PLOD1: variants seen among roughly 807,000 people sequenced by gnomAD.
The protein encoded by PLOD1 is lysine hydroxylase.
A neutral mutation model predicts 94.7 loss-of-function variants in PLOD1; 70 were observed. The observed-to-expected ratio is 0.74, with a 90% CI of 0.61 to 0.90. The LOEUF is 0.90. Ranked by LOEUF, PLOD1 falls within the 40% of genes least tolerant of loss-of-function variation. The probability of loss-of-function intolerance (pLI) is 0.00; values close to 1 mark genes in which losing one functional copy is unlikely to be tolerated. For missense variants in PLOD1, 905 were observed against 972.7 expected, an observed-to-expected ratio of 0.93 and a Z score of 0.93; for synonymous variants, 417 against 400.2, an observed-to-expected ratio of 1.04 and a Z score of -0.50.
Position 11,972,728 on chromosome 1 carries a change from C to T in PLOD1, c.1903-144C>T, listed in dbSNP as rs754407167. The T allele has an allele frequency of 7.3e-6, 6 of 817,412 alleles. No homozygotes were observed. The highest frequency in any genetic ancestry group is 1.4e-5 in the South Asian group (1 of 71,030). 50.6% of individuals were successfully genotyped at this position (817,412 alleles called of 1,614,324 possible). On this transcript the variant is annotated intron_variant, in intron 17 of 18. Coordinates refer to ENST00000196061, the MANE Select transcript of PLOD1 (RefSeq NM_000302.4). This position sits in a 1 kb window ranked among gnomAD's most constrained non-coding sequence, Gnocchi z 4.6. ...TCTGTGCCAGGTAGTTGCAGGCACT[C>T]GAGCATAGAGCCCCATGTAGACCTG...
At chr1:11,938,682 G>T (rs1349602937) in intron 1 of PLOD1, among the ~76,000 whole-genome samples, 2 of 152,188 alleles carry the variant, frequency 1.3e-5, no homozygotes, top group Non-Finnish European at 2.9e-5. Flanking sequence ...GAGTAGGGAA[G>T]GGGATTTGCT....
chr1:11,938,860 G>A (rs764591229), intron 1 of PLOD1, among the ~76,000 whole-genome samples: 14 of 152,178 alleles, frequency 9.2e-5, no homozygotes, highest in East Asian at 3.8e-4. Flanking sequence ...GACACCCCAC[G>A]TCTGAGGGAA....
intron 1 of PLOD1, among the ~76,000 whole-genome samples, chr1:11,936,597 A>T (rs1645580141): frequency 6.6e-6 from 1 of 151,900 alleles, no homozygotes; most frequent in Non-Finnish European, 1.5e-5. Flanking sequence ...ACCTTGGCTC[A>T]CTGCAACCTC....
chr1:11,951,057 G>A (rs990561736), intron 4 of PLOD1, among the ~76,000 whole-genome samples: 4 of 151,380 alleles, frequency 2.6e-5, no homozygotes, highest in Admixed American at 6.6e-5. Flanking sequence ...GCCTCCCAAA[G>A]TGCTGGGATT....
chr1:11,956,582 G>A (rs1010435539), intron 6 of PLOD1, among the ~76,000 whole-genome samples: 1 of 152,088 alleles, frequency 6.6e-6, no homozygotes, highest in African/African-American at 2.4e-5. Flanking sequence ...TCTCTGAGGT[G>A]CCTGGAGCTG....
chr1:11,947,880 C>G, intron 1 of PLOD1, 96 bp from the exon 2 acceptor site: 3 of 814,646 alleles, frequency 3.7e-6, no homozygotes, highest in Non-Finnish European at 6.6e-6. Context: ...AAGACACTTC[C>G]TGCCAGAATT....
chr1:11,962,032 G>A (rs377075076), intron 10 of PLOD1, among the ~76,000 whole-genome samples: 16 of 152,126 alleles, frequency 1.1e-4, no homozygotes, highest in South Asian at 4.1e-4. Context: ...CAAGTGATCC[G>A]CCCGCCTTGG....
In PLOD1 at chr1:11,947,995, G is replaced by C; in HGVS notation, c.96G>C (p.Thr32=). Residue 32 remains threonine, a synonymous_variant, in exon 2 of 19, where the codon ACG becomes ACC. Coordinates refer to ENST00000196061, the MANE Select transcript of PLOD1 (RefSeq NM_000302.4). ...AKPEDNLLVL[T]VATKETEGFR... ...CTGCAGACAACCTTTTAGTCCTCAC[G>C]GTGGCCACTAAGGAGACCGAGGGAT... 6.2e-7 allele frequency: 1 copy of C among 1,612,730 alleles called. No individual in the cohort carries two copies. The highest frequency in any genetic ancestry group is 8.5e-7 in the Non-Finnish European group (1 of 1,178,804).
intron 1 of PLOD1, among the ~76,000 whole-genome samples, chr1:11,941,768 G>A (rs760734377): frequency 3.1e-4 from 47 of 152,176 alleles, no homozygotes; most frequent in Non-Finnish European, 6.2e-4. Context: ...ACAGGCGTGA[G>A]CCACCGCGCC....
At chr1:11,943,825 G>A (rs1645631180) in intron 1 of PLOD1, among the ~76,000 whole-genome samples, 1 of 152,184 alleles carries the variant, frequency 6.6e-6, no homozygotes, top group African/African-American at 2.4e-5. Context: ...CTGGGTTCAG[G>A]CTTGTGTCCA....
chr1:11,951,851 G>A (rs573362010), intron 4 of PLOD1, among the ~76,000 whole-genome samples: 8 of 151,200 alleles, frequency 5.3e-5, no homozygotes, highest in South Asian at 4.2e-4. Flanking sequence ...CCCGGGAGGC[G>A]GAGCTTGCAG....
intron 1 of PLOD1, among the ~76,000 whole-genome samples, chr1:11,941,467 G>GATTATTATTTATT (rs531153063): frequency 1.1e-4 from 15 of 141,900 alleles, no homozygotes; most frequent in African/African-American, 4.5e-4. Context: ...AAGTAGCTGG[G>GATTATTATTTATT]ATTATTATTA....
Position 11,954,906 on chromosome 1 carries a change from C to G in PLOD1, c.643+13C>G, listed in dbSNP as rs1297071034. On this transcript the variant is annotated intron_variant, in intron 6 of 18. Coordinates refer to ENST00000196061, the MANE Select transcript of PLOD1 (RefSeq NM_000302.4). ...GATGGAGCCTTGGGTGAGCAGCCCC[C>G]ACGGGGAGGGGTGGATCCTCAGAGG... 2.5e-6 allele frequency: 4 copies of G among 1,604,014 alleles called. No individual in the cohort carries two copies.
At chr1:11,941,573 T>C (rs141273366) in intron 1 of PLOD1, among the ~76,000 whole-genome samples, 3,853 of 152,108 alleles carry the variant, frequency 0.025, 165 homozygotes, top group African/African-American at 0.088. Flanking sequence ...CTCTGCCTCC[T>C]GGGTCAAGCA....
At chr1:11,939,416 C>T (rs1645600987) in intron 1 of PLOD1, among the ~76,000 whole-genome samples, 1 of 152,158 alleles carries the variant, frequency 6.6e-6, no homozygotes, top group Non-Finnish European at 1.5e-5. Flanking sequence ...AGGGAGCAGA[C>T]TGGGTGTGTC....
chr1:11,953,302 C>T (rs1005913451), intron 5 of PLOD1, among the ~76,000 whole-genome samples: 4 of 151,672 alleles, frequency 2.6e-5, no homozygotes, highest in Non-Finnish European at 4.4e-5. Flanking sequence ...GTGATTTACC[C>T]GCCTCGGCCT....
At chr1:11,948,148 C>G in intron 2 of PLOD1, 81 bp downstream of exon 2, 1 of 970,486 alleles carries the variant, frequency 1.0e-6, no homozygotes. Flanking sequence ...CAAACTACCA[C>G]GTCTCTTAAG....
intron 1 of PLOD1, among the ~76,000 whole-genome samples, chr1:11,944,303 G>A (rs959233697): frequency 3.3e-5 from 5 of 152,082 alleles, no homozygotes; most frequent in Non-Finnish European, 7.4e-5. Context: ...TGCTGTTATT[G>A]AGAAGCAGGA....
In PLOD1 at chr1:11,958,627, C is replaced by T. The variant is rs121913550; in HGVS notation, c.955C>T (p.Arg319Ter). Residue 319 changes from arginine to a stop codon, truncating the protein, a stop_gained, in exon 9 of 19, where the codon CGA (arginine) becomes TGA (stop). Coordinates refer to ENST00000196061, the MANE Select transcript of PLOD1 (RefSeq NM_000302.4). LOFTEE classifies it high-confidence loss of function. This position sits in a 1 kb window ranked among gnomAD's most constrained non-coding sequence, Gnocchi z 4.3. ...GCTCCACTACCCCCAGAAACACATG[C>T]GACTTTTCATCCACAACCACGTGAG... Reference protein sequence around the residue: ...LRLHYPQKHMRLFIHNHEQHH... With the variant: ...LRLHYPQKHM 8 of 1,614,136 alleles carry T rather than the reference C, an allele frequency of 5.0e-6. No individual in the cohort carries two copies. Among genetic ancestry groups the T allele is most frequent in the South Asian group, 1.1e-5 (1 of 91,070 alleles).
Sources: allele counts gnomAD v4.1 joint callset (sites outside exome capture counted in the v4.1 genomes callset), GRCh38; gene constraint gnomAD v4.1.1; non-coding constraint Gnocchi (gnomAD v3.1); transcripts MANE v1.5; gene names NCBI Gene and HGNC (gene_info 2026-07-23, HGNC 2026-07-21).